Variants in GALNT13 observed in about 807,000 individuals in gnomAD.
The protein encoded by GALNT13 is UDP-GalNAc:polypeptide N-acetylgalactosaminyltransferase 13.
GALNT13 carries 28 observed loss-of-function variants against 64.2 expected under a neutral mutation model. That is an observed-to-expected ratio of 0.44 (90% CI 0.32 to 0.60). GALNT13 has a LOEUF of 0.60. Among genes scored for constraint, GALNT13 ranks in the 20% least tolerant of loss-of-function variants. The pLI is 0.05. For synonymous variants in GALNT13, 214 were observed against 224.6 expected (o/e 0.95, Z 0.42); for missense variants, 577 against 669.8 (o/e 0.86, Z 1.53).
chr2:153,988,952 G>C (rs915749113), intron 3 of GALNT13, among the ~76,000 whole-genome samples: 5 of 151,780 alleles, frequency 3.3e-5, no homozygotes, highest in Non-Finnish European at 5.9e-5. Context: ...AATTTAAATT[G>C]AACCTTAAAA....
intron 9 of GALNT13, among the ~76,000 whole-genome samples, chr2:154,316,682 A>C (rs1040423937): frequency 1.3e-5 from 2 of 152,166 alleles, no homozygotes; most frequent in Non-Finnish European, 2.9e-5. Context: ...GCAGAGGGCA[A>C]GGGAATGCTC....
At chr2:153,246,804 C>A in the GALNT13 span, among the ~76,000 whole-genome samples, 4 of 152,136 alleles carry the variant, frequency 2.6e-5, no homozygotes, top group Non-Finnish European at 5.9e-5. Context: ...ACAATGTTAA[C>A]CTTAAATGCA....
chr2:153,230,550 A>G, the GALNT13 span, among the ~76,000 whole-genome samples: 23 of 152,298 alleles, frequency 1.5e-4, no homozygotes, highest in South Asian at 4.4e-3. Context: ...GATGTTATGA[A>G]TTTAATTTCT....
chr2:153,729,710 A>G, the GALNT13 span, among the ~76,000 whole-genome samples: 5 of 152,196 alleles, frequency 3.3e-5, no homozygotes, highest in African/African-American at 1.2e-4. Flanking sequence ...TGCTGACATG[A>G]TCTTATACCT....
chr2:154,240,993 A>G (rs1035861562), intron 4 of GALNT13, among the ~76,000 whole-genome samples: 5 of 152,066 alleles, frequency 3.3e-5, no homozygotes, highest in African/African-American at 7.2e-5. Context: ...CCACTGGTCA[A>G]TGGCTTGCTG....
chr2:153,600,097 A>G, the GALNT13 span, among the ~76,000 whole-genome samples: 1 of 151,956 alleles, frequency 6.6e-6, no homozygotes, highest in South Asian at 2.1e-4. Context: ...TTTACCTTTC[A>G]GCTAACTCTG....
intron 3 of GALNT13, among the ~76,000 whole-genome samples, chr2:154,001,899 T>C (rs188219987): frequency 6.6e-6 from 1 of 152,216 alleles, no homozygotes; most frequent in East Asian, 1.9e-4. Context: ...TCATTCCCCT[T>C]CATGTTTGAA....
chr2:153,861,559 CTTTTT>C, the GALNT13 span, among the ~76,000 whole-genome samples: 2 of 118,202 alleles, frequency 1.7e-5, no homozygotes, highest in African/African-American at 6.6e-5. Context: ...TTCTTTCTTT[CTTTTT>C]TTTTTTTTTT....
chr2:154,287,624 T>C (rs1048094635), intron 8 of GALNT13, among the ~76,000 whole-genome samples: 2 of 151,942 alleles, frequency 1.3e-5, no homozygotes, highest in African/African-American at 4.8e-5. Context: ...TTCAGCTCAA[T>C]AATTCCTGTT....
chr2:154,286,207 C>A (rs1692256878), intron 8 of GALNT13, among the ~76,000 whole-genome samples: 1 of 152,172 alleles, frequency 6.6e-6, no homozygotes, highest in Non-Finnish European at 1.5e-5. Flanking sequence ...GCTAGGATTT[C>A]AAGTGCTATG....
At chr2:153,571,332 T>G in the GALNT13 span, among the ~76,000 whole-genome samples, 1 of 152,088 alleles carries the variant, frequency 6.6e-6, no homozygotes, top group Non-Finnish European at 1.5e-5. Flanking sequence ...ATAAATTTGT[T>G]TATCAGTTCT....
chr2:153,205,569 C>T, the GALNT13 span, among the ~76,000 whole-genome samples: 1 of 152,026 alleles, frequency 6.6e-6, no homozygotes, highest in Non-Finnish European at 1.5e-5. Flanking sequence ...AAGTTCTTCC[C>T]TCATTTCAAT....
chr2:153,661,106 AT>A, the GALNT13 span, among the ~76,000 whole-genome samples: 1 of 152,166 alleles, frequency 6.6e-6, no homozygotes, highest in Non-Finnish European at 1.5e-5. Context: ...TGAAAGAATT[AT>A]CTAGTATCTA....
chr2:153,566,004 G>A, the GALNT13 span, among the ~76,000 whole-genome samples: 3 of 151,996 alleles, frequency 2.0e-5, no homozygotes, highest in Admixed American at 6.6e-5. Context: ...TGATATAGTT[G>A]TATTTCTGTC....
intron 4 of GALNT13, 60 bp downstream of exon 4, chr2:154,140,565 A>G (rs1683205166): frequency 3.3e-6 from 4 of 1,212,492 alleles, no homozygotes; most frequent in Non-Finnish European, 4.7e-6. Context: ...TCAGAATCTC[A>G]GAACTTGAGC....
the GALNT13 span, among the ~76,000 whole-genome samples, chr2:153,253,401 G>A: frequency 0.73 from 55,271 of 75,704 alleles, 21,679 homozygotes; most frequent in African/African-American, 0.86. Context: ...ATATACAATC[G>A]TGTCATCTGC....
chr2:153,909,681 A>G (rs1383983653), intron 2 of GALNT13, among the ~76,000 whole-genome samples: 2 of 152,162 alleles, frequency 1.3e-5, no homozygotes, highest in African/African-American at 4.8e-5. Context: ...TTCTATTGCA[A>G]TAAACATGTG....
At chr2:153,193,366 T>C in the GALNT13 span, among the ~76,000 whole-genome samples, 4 of 148,538 alleles carry the variant, frequency 2.7e-5, no homozygotes, top group African/African-American at 7.4e-5. Context: ...AAACACCGCA[T>C]ATTCTCACTC....
intron 3 of GALNT13, among the ~76,000 whole-genome samples, chr2:154,038,375 G>C (rs1416778524): frequency 6.6e-6 from 1 of 152,034 alleles, no homozygotes; most frequent in East Asian, 1.9e-4. Context: ...ATATGACAAA[G>C]GGATAAGTAA....
Sources: allele counts gnomAD v4.1 joint callset (sites outside exome capture counted in the v4.1 genomes callset), GRCh38; gene constraint gnomAD v4.1.1; transcripts MANE v1.5; gene names NCBI Gene and HGNC (gene_info 2026-07-23, HGNC 2026-07-21).